TBC1D8: variants seen among roughly 807,000 people sequenced by gnomAD.
TBC1D8 encodes BUB2-like protein 1.
TBC1D8 carries 65 observed loss-of-function variants against 118.8 expected under a neutral mutation model. The ratio of observed to expected loss-of-function variants is 0.55; its 90% CI spans 0.45 to 0.67. The LOEUF (loss-of-function observed/expected upper bound fraction) is 0.67, where lower values mean the gene tolerates loss of function less well. Among genes scored for constraint, TBC1D8 ranks in the 30% least tolerant of loss-of-function variants. The pLI is 0.00. For missense variants in TBC1D8, 1,376 were observed against 1,471.2 expected (o/e 0.94, Z 1.06); for synonymous variants, 566 against 595.8 (o/e 0.95, Z 0.73).
intron 2 of TBC1D8, among the ~76,000 whole-genome samples, chr2:101,077,213 C>T (rs573667403): frequency 2.0e-5 from 3 of 148,914 alleles, no homozygotes; most frequent in Admixed American, 6.7e-5. Flanking sequence ...CTAGTAGAGA[C>T]GGGGTTTCAC....
At chr2:101,025,402 T>A (rs1432552268) in intron 15 of TBC1D8, among the ~76,000 whole-genome samples, 1 of 152,096 alleles carries the variant, frequency 6.6e-6, no homozygotes, top group African/African-American at 2.4e-5. Context: ...AATTTTTGTA[T>A]TTTTAGTAGA....
chr2:101,032,350 G>A lies in TBC1D8; in HGVS notation c.1854C>T (p.Tyr618=). 1.2e-6 allele frequency: 2 copies of A among 1,613,818 alleles called. No individual in the cohort carries two copies. Residue 618 remains tyrosine, a synonymous_variant, in exon 11 of 20, where the codon TAC becomes TAT. Coordinates refer to ENST00000409318, the MANE Select transcript of TBC1D8 (RefSeq NM_001330348.2). Reference sequence around the variant, plus strand: ...GCCAGAAGGCTTCCTCCTCCTTGGTGTACAGCAGCAGCACGGAGGTCAGGA... The same window carrying A: ...GCCAGAAGGCTTCCTCCTCCTTGGTATACAGCAGCAGCACGGAGGTCAGGA... ...MNILTSVLLL[Y]TKEEEAFWLL... is the part of the protein sequence containing the mutation.
chr2:101,107,870 A>G (rs1213609773), intron 1 of TBC1D8, among the ~76,000 whole-genome samples: 1 of 152,180 alleles, frequency 6.6e-6, no homozygotes, highest in African/African-American at 2.4e-5. Flanking sequence ...GATTGAGGAC[A>G]GCATCAATAA....
intron 1 of TBC1D8, among the ~76,000 whole-genome samples, chr2:101,128,729 T>C (rs1386106932): frequency 6.6e-6 from 1 of 152,216 alleles, no homozygotes; most frequent in Non-Finnish European, 1.5e-5. Flanking sequence ...TCTTTAAATG[T>C]GGCATATACA....
intron 2 of TBC1D8, among the ~76,000 whole-genome samples, chr2:101,063,804 AT>A (rs1353427779): frequency 6.6e-6 from 1 of 152,204 alleles, no homozygotes; most frequent in Non-Finnish European, 1.5e-5. Flanking sequence ...ACTCCTAAGG[AT>A]AGCTACTGAT....
At chr2:101,029,394 T>C (rs910859419) in intron 12 of TBC1D8, 97 bp downstream of exon 12, 8 of 1,193,202 alleles carry the variant, frequency 6.7e-6, no homozygotes, top group African/African-American at 1.7e-5. Context: ...TCTGTCTCAA[T>C]AAAAAAAAAA....
chr2:101,055,871 G>C (rs1453619599), intron 3 of TBC1D8, among the ~76,000 whole-genome samples: 1 of 152,100 alleles, frequency 6.6e-6, no homozygotes, highest in Non-Finnish European at 1.5e-5. Flanking sequence ...CTACTCAGGA[G>C]GCTGAGGCAG....
chr2:101,029,644 A>C lies in TBC1D8; in HGVS notation c.2069T>G (p.Ile690Ser). ...ATTCACCGCACTCTCTAGAGGCATG[A>C]TGCTGAGGAACAGGGTCAGGAACCA... Reference protein sequence around the residue: ...LSWFLTLFLSIMPLESAVNVV... With the variant: ...LSWFLTLFLSSMPLESAVNVV... The change falls in exon 12 of 20, where the codon ATC becomes AGC. Residue 690 changes from isoleucine (I) to serine (S), a missense_variant. Transcript: ENST00000409318. The C allele has an allele frequency of 4.3e-6, 7 of 1,614,022 alleles. No individual in the cohort carries two copies. Among genetic ancestry groups the C allele is most frequent in the South Asian group, 1.1e-5 (1 of 91,078 alleles).
chr2:101,109,300 C>T (rs112702180), intron 1 of TBC1D8, among the ~76,000 whole-genome samples: 5 of 152,030 alleles, frequency 3.3e-5, no homozygotes, highest in African/African-American at 1.2e-4. Flanking sequence ...GGGGAAGATA[C>T]GGGTGAGAAA....
chr2:101,080,313 T>C (rs1264733598), intron 2 of TBC1D8, among the ~76,000 whole-genome samples: 9 of 152,096 alleles, frequency 5.9e-5, no homozygotes, highest in Non-Finnish European at 8.8e-5. Context: ...TCCCTCCCAC[T>C]GGGTTGCTTC....
At chr2:101,045,640 G>A (rs750363638) in intron 5 of TBC1D8, among the ~76,000 whole-genome samples, 6 of 152,182 alleles carry the variant, frequency 3.9e-5, no homozygotes, top group Admixed American at 1.3e-4. Context: ...AGTCCTCTGC[G>A]GTGAGTTTGC....
At position 101,011,507 on chromosome 2, in the gene TBC1D8, G is replaced by A. The variant is rs770720076; in HGVS notation, c.2861C>T (p.Pro954Leu). Residue 954 changes from proline (P) to leucine (L), a missense_variant, in exon 18 of 20, where the codon CCG becomes CTG. By Grantham distance (98) the Pro-to-Leu change is moderately conservative (BLOSUM62 -3). Transcript: ENST00000409318. ...LTENDRDSQS[P>L]LRNPLLSTSR... is the part of the protein sequence containing the mutation. ...TGTTGACAACAGAGGATTCCTCAAC[G>A]GCGACTGGCTGTCTCGGTCATTTTC... 5.8e-5 allele frequency: 94 copies of A among 1,613,794 alleles called. No homozygotes were observed. Among genetic ancestry groups the A allele is most frequent in the Non-Finnish European group, 7.1e-5 (84 of 1,179,876 alleles).
At chr2:101,098,205 C>T (rs1360732383) in intron 1 of TBC1D8, among the ~76,000 whole-genome samples, 1 of 152,066 alleles carries the variant, frequency 6.6e-6, no homozygotes, top group African/African-American at 2.4e-5. Flanking sequence ...CCAGCTTGAC[C>T]AACATGGTGA....
chr2:101,040,488 G>A (rs886857863), intron 5 of TBC1D8, 103 bp from the exon 6 acceptor site: 3 of 1,233,062 alleles, frequency 2.4e-6, no homozygotes, highest in Non-Finnish European at 3.4e-6. Flanking sequence ...TTTTATTTTT[G>A]AGACAGAGTC....
intron 1 of TBC1D8, among the ~76,000 whole-genome samples, chr2:101,125,253 C>T (rs1196109714): frequency 1.3e-5 from 2 of 152,174 alleles, no homozygotes; most frequent in African/African-American, 4.8e-5. Flanking sequence ...ATTCCTGAAC[C>T]TGCTATTCAT....
intron 15 of TBC1D8, among the ~76,000 whole-genome samples, chr2:101,025,219 T>C (rs1369743240): frequency 1.3e-5 from 2 of 152,082 alleles, no homozygotes; most frequent in Non-Finnish European, 2.9e-5. Flanking sequence ...GCCCTTTTTT[T>C]TTTTAATTTT....
intron 1 of TBC1D8, among the ~76,000 whole-genome samples, chr2:101,130,063 G>A (rs934238768): frequency 8.5e-5 from 13 of 152,158 alleles, no homozygotes; most frequent in African/African-American, 2.7e-4. Context: ...CAGCAACGAC[G>A]TTCATCCAGC....
intron 1 of TBC1D8, among the ~76,000 whole-genome samples, chr2:101,149,565 T>A (rs1363093627): frequency 6.6e-6 from 1 of 152,208 alleles, no homozygotes; most frequent in Admixed American, 6.5e-5. Context: ...TGTTTCTCAC[T>A]TCACAAATCT....
chr2:101,035,313 C>T (rs1012570386), intron 9 of TBC1D8, among the ~76,000 whole-genome samples: 1 of 152,132 alleles, frequency 6.6e-6, no homozygotes, highest in Non-Finnish European at 1.5e-5. Flanking sequence ...AGCTCCTTTG[C>T]TCCAAGGAGC....
Sources: allele counts gnomAD v4.1 joint callset (sites outside exome capture counted in the v4.1 genomes callset), GRCh38; gene constraint gnomAD v4.1.1; transcripts MANE v1.5; gene names NCBI Gene and HGNC (gene_info 2026-07-23, HGNC 2026-07-21).